Variants in PLPP1 observed in about 807,000 individuals in gnomAD.
PLPP1 encodes the protein lipid phosphate phosphohydrolase 1a.
A neutral mutation model predicts 31.2 loss-of-function variants in PLPP1; 24 were observed. That is an observed-to-expected ratio of 0.77 (90% CI 0.56 to 1.08). PLPP1 has a LOEUF of 1.08. Among genes scored for constraint, PLPP1 ranks in the 50% least tolerant of loss-of-function variants. The probability of loss-of-function intolerance (pLI) is 0.00; values close to 1 mark genes in which losing one functional copy is unlikely to be tolerated. For missense variants in PLPP1, 319 were observed against 342.7 expected (o/e 0.93, Z 0.55); for synonymous variants, 146 against 126.3 (o/e 1.16, Z -1.05).
intron 1 of PLPP1, among the ~76,000 whole-genome samples, chr5:55,494,537 C>T (rs1034245362): frequency 1.4e-4 from 21 of 152,154 alleles, no homozygotes; most frequent in Non-Finnish European, 1.2e-4. Context: ...CTTCCACTGT[C>T]CCCTTAAGGC....
chr5:55,505,133 G>A, intron 1 of PLPP1, among the ~76,000 whole-genome samples: 1 of 152,020 alleles, frequency 6.6e-6, no homozygotes, highest in Middle Eastern at 3.2e-3. Context: ...ATTTGGAAGG[G>A]CTAAATTTCC....
At chr5:55,447,422 A>G (rs1034177888) in intron 3 of PLPP1, among the ~76,000 whole-genome samples, 1 of 152,208 alleles carries the variant, frequency 6.6e-6, no homozygotes, top group African/African-American at 2.4e-5. Context: ...ATTGATTCCC[A>G]AAGCATTATA....
Position 55,424,960 on chromosome 5 carries a change from A to C in PLPP1, c.*246T>G. ...ACATAAGCATTACATTTTTTTAATAAAAATGTATACAGGTGGGGCACTGTT... is the reference window on the plus strand; with the variant it reads ...ACATAAGCATTACATTTTTTTAATACAAATGTATACAGGTGGGGCACTGTT... On this transcript the variant is annotated 3_prime_UTR_variant, in exon 6 of 6. Coordinates refer to ENST00000307259, the MANE Select transcript of PLPP1 (RefSeq NM_003711.4). 1.6e-6 allele frequency: 1 copy of C among 644,704 alleles called. No homozygotes were observed. Among genetic ancestry groups the C allele is most frequent in the East Asian group, 2.8e-5 (1 of 36,232 alleles). The allele number at this position is 644,704 out of a possible 1,614,324, so 39.9% of individuals were successfully genotyped here.
chr5:55,533,045 T>C (rs1445559655), intron 1 of PLPP1, among the ~76,000 whole-genome samples: 1 of 151,688 alleles, frequency 6.6e-6, no homozygotes, highest in African/African-American at 2.4e-5. Context: ...AAACAGGAAG[T>C]GTCTTGGGAA....
At chr5:55,454,475 T>A (rs1751963364) in intron 3 of PLPP1, among the ~76,000 whole-genome samples, 1 of 152,220 alleles carries the variant, frequency 6.6e-6, no homozygotes, top group African/African-American at 2.4e-5. Flanking sequence ...GTCAGTAAAT[T>A]AGCTGGTCCA....
At chr5:55,496,032 A>G (rs1000795562) in intron 1 of PLPP1, among the ~76,000 whole-genome samples, 2 of 151,878 alleles carry the variant, frequency 1.3e-5, no homozygotes, top group African/African-American at 4.8e-5. Flanking sequence ...TAATTTTTGT[A>G]GTTTCAGTAA....
chr5:55,471,940 G>C (rs956173091), intron 2 of PLPP1, among the ~76,000 whole-genome samples: 7 of 139,216 alleles, frequency 5.0e-5, no homozygotes, highest in Non-Finnish European at 1.1e-4. Flanking sequence ...GCACAACACA[G>C]AGAGATAGTT....
chr5:55,493,304 G>C (rs146888645), intron 1 of PLPP1, among the ~76,000 whole-genome samples: 223 of 147,640 alleles, frequency 1.5e-3, no homozygotes, highest in African/African-American at 5.4e-3. Flanking sequence ...AACAGGACAA[G>C]ACCCTGTCTC....
chr5:55,498,903 T>C (rs533092869), intron 1 of PLPP1, among the ~76,000 whole-genome samples: 3 of 152,174 alleles, frequency 2.0e-5, no homozygotes, highest in Non-Finnish European at 4.4e-5. Context: ...TGAAGGCAAT[T>C]TGTGTACGCT....
chr5:55,427,785 G>GA (rs879680177), intron 4 of PLPP1, among the ~76,000 whole-genome samples: 5 of 140,608 alleles, frequency 3.6e-5, no homozygotes, highest in African/African-American at 1.3e-4. Flanking sequence ...TGGGGGGGGG[G>GA]ATGTGGGAGG....
chr5:55,513,837 G>A (rs1333053565), intron 1 of PLPP1, among the ~76,000 whole-genome samples: 1 of 152,134 alleles, frequency 6.6e-6, no homozygotes, highest in East Asian at 1.9e-4. Context: ...GAAGTGTGAG[G>A]AATGCTTAAA....
intron 2 of PLPP1, 64 bp downstream of exon 2, chr5:55,475,235 G>A (rs1752509906): frequency 7.1e-7 from 1 of 1,400,856 alleles, no homozygotes; most frequent in East Asian, 2.5e-5. Context: ...AGCATTAAAA[G>A]AGTAACAGAA....
intron 1 of PLPP1, among the ~76,000 whole-genome samples, chr5:55,520,697 CCAGT>C (rs1369030986): frequency 1.3e-5 from 2 of 152,120 alleles, no homozygotes; most frequent in East Asian, 3.9e-4. Flanking sequence ...AGTTTATTGC[CCAGT>C]CATTCATATA....
chr5:55,480,270 T>C (rs1475841634), intron 1 of PLPP1, among the ~76,000 whole-genome samples: 2 of 152,202 alleles, frequency 1.3e-5, no homozygotes, highest in Admixed American at 1.3e-4. Context: ...AAATTCATTT[T>C]CATGCTCCCT....
rs546514575 is a variant in PLPP1, at chr5:55,480,593, C to T, written c.59-5143G>A. 5.9e-5 allele frequency among the ~76,000 whole-genome samples: 9 copies of T among 152,170 alleles called. 2 individuals carry two copies. The Middle Eastern group carries it at 0.017, about 288-fold the overall frequency. On this transcript the variant is annotated intron_variant, in intron 1 of 5. Transcript: ENST00000307259. ...CTTTTATCACTCAGCATAATGTTTT[C>T]GAGGTTCATCTGTGTTACAGCATGC...
intron 1 of PLPP1, among the ~76,000 whole-genome samples, chr5:55,508,104 T>C (rs1138834): frequency 1.3e-5 from 2 of 152,146 alleles, no homozygotes; most frequent in East Asian, 3.9e-4. Context: ...GCAATCCTCC[T>C]GCCTCAGCCT....
At chr5:55,489,746 GC>G in intron 1 of PLPP1, among the ~76,000 whole-genome samples, 1 of 152,138 alleles carries the variant, frequency 6.6e-6, no homozygotes, top group East Asian at 1.9e-4. Context: ...AGAGAGAAAA[GC>G]CAGCCAGTCC....
chr5:55,425,480 AC>A, intron 5 of PLPP1, 146 bp from the exon 6 acceptor site: 1 of 709,898 alleles, frequency 1.4e-6, no homozygotes, highest in Non-Finnish European at 2.1e-6. Context: ...TTAGAGACTA[AC>A]TGGGATTTTT....
rs956055588 is a variant in PLPP1, at chr5:55,530,385, T to G, written c.58+4187A>C. 20 of 1,309,318 alleles carry G rather than the reference T, an allele frequency of 1.5e-5. No individual in the cohort carries two copies. The Admixed American group carries it at 2.5e-4, about 17-fold the overall frequency. The allele number at this position is 1,309,318 out of a possible 1,614,324, so 81.1% of individuals were successfully genotyped here. The stretch of plus-strand genomic sequence containing the variant: ...ACTGTTAGAGTGATCCAGTAAACGC[T>G]CTCTGGTAAAATTTGATTCTTGACA... On this transcript the variant is annotated intron_variant, in intron 1 of 5. Coordinates refer to ENST00000307259, the MANE Select transcript of PLPP1 (RefSeq NM_003711.4).
Sources: allele counts gnomAD v4.1 joint callset (sites outside exome capture counted in the v4.1 genomes callset), GRCh38; gene constraint gnomAD v4.1.1; transcripts MANE v1.5; gene names NCBI Gene and HGNC (gene_info 2026-07-23, HGNC 2026-07-21).